NXPE4: variants seen among roughly 807,000 people sequenced by gnomAD.
NXPE4 encodes the protein NXPE family member 4.
A neutral mutation model predicts 33.3 loss-of-function variants in NXPE4; 42 were observed. The observed-to-expected ratio is 1.26, with a 90% CI of 0.98 to 1.63. The LOEUF (loss-of-function observed/expected upper bound fraction) is 1.63. NXPE4 is among the 40% of genes most tolerant of loss of function. NXPE4 has a pLI of 0.00. For synonymous variants in NXPE4, 253 were observed against 234.9 expected (o/e 1.08, Z -0.71); for missense variants, 709 against 647.6 (o/e 1.09, Z -1.03).
chr11:114,595,268 C>T (rs1046792579), intron 1 of NXPE4, among the ~76,000 whole-genome samples: 3 of 152,038 alleles, frequency 2.0e-5, no homozygotes, highest in Non-Finnish European at 4.4e-5. Context: ...TTCTAGCACC[C>T]CCTCAAGCTT....
chr11:114,618,215 G>A, the NXPE4 span, among the ~76,000 whole-genome samples: 1 of 152,076 alleles, frequency 6.6e-6, no homozygotes, highest in East Asian at 1.9e-4. Context: ...GGTCACCACT[G>A]TTACCCGGAG....
chr11:114,659,231 A>T, the NXPE4 span, among the ~76,000 whole-genome samples: 3 of 152,224 alleles, frequency 2.0e-5, no homozygotes, highest in East Asian at 5.8e-4. Context: ...AAAGTATGAG[A>T]TGTACAGAAA....
At chr11:114,600,947 A>G in the NXPE4 span, among the ~76,000 whole-genome samples, 1 of 152,068 alleles carries the variant, frequency 6.6e-6, no homozygotes, top group Admixed American at 6.6e-5. Flanking sequence ...GAAATGATTC[A>G]GTTTCCACAT....
the NXPE4 span, among the ~76,000 whole-genome samples, chr11:114,624,376 T>C: frequency 1.3e-5 from 2 of 150,894 alleles, no homozygotes; most frequent in Admixed American, 6.6e-5. Context: ...AACCACTGTT[T>C]CCCGTTCAAT....
intron 5 of NXPE4, among the ~76,000 whole-genome samples, chr11:114,576,695 T>G (rs929271739): frequency 6.6e-5 from 10 of 151,854 alleles, no homozygotes; most frequent in African/African-American, 2.4e-4. Context: ...TCAATAATGT[T>G]GGTGTGGATG....
the NXPE4 span, among the ~76,000 whole-genome samples, chr11:114,645,324 A>G: frequency 6.6e-6 from 1 of 152,072 alleles, no homozygotes; most frequent in Admixed American, 6.6e-5. Flanking sequence ...TAAAAATAAA[A>G]AAACCCAGTC....
the NXPE4 span, among the ~76,000 whole-genome samples, chr11:114,640,368 GTTTC>G: frequency 6.7e-6 from 1 of 149,270 alleles, no homozygotes; most frequent in African/African-American, 2.5e-5. Flanking sequence ...ATATGCTACT[GTTTC>G]TTTATCCACT....
the NXPE4 span, among the ~76,000 whole-genome samples, chr11:114,642,093 G>A: frequency 1.3e-5 from 2 of 151,940 alleles, no homozygotes; most frequent in Admixed American, 1.3e-4. Flanking sequence ...CTTCCAAAGT[G>A]GAAAAGGCTG....
chr11:114,675,378 C>G, the NXPE4 span, among the ~76,000 whole-genome samples: 2 of 151,582 alleles, frequency 1.3e-5, no homozygotes, highest in African/African-American at 4.8e-5. Context: ...TTCTGTTTGC[C>G]AGTGACAGGA....
chr11:114,617,030 G>T, the NXPE4 span, among the ~76,000 whole-genome samples: 20 of 151,994 alleles, frequency 1.3e-4, no homozygotes, highest in South Asian at 3.7e-3. Flanking sequence ...ATTTCCTCGT[G>T]GGTAACCTCT....
chr11:114,643,472 T>C, the NXPE4 span, among the ~76,000 whole-genome samples: 3 of 152,162 alleles, frequency 2.0e-5, no homozygotes, highest in African/African-American at 7.2e-5. Context: ...GTTTTCTGTA[T>C]ATGGCTAGGC....
At chr11:114,666,196 T>A in the NXPE4 span, among the ~76,000 whole-genome samples, 1 of 152,158 alleles carries the variant, frequency 6.6e-6, no homozygotes, top group Non-Finnish European at 1.5e-5. Context: ...TTTTGCTTTT[T>A]TGAAAGCTAT....
rs1949537912 is a variant in NXPE4 at position 114,594,644 on chromosome 11, A to T, written c.96+20T>A. ...GCAAAAATAAGCTTCTGTAAACCAC[A>T]TAAATAAAGCATTTCCTACCTTTGT... On this transcript the variant is annotated intron_variant, in intron 2 of 5. Transcript: ENST00000375478. 6.6e-7 allele frequency: 1 copy of T among 1,505,996 alleles called. No individual in the cohort carries two copies. The allele number at this position is 1,505,996 out of a possible 1,614,324, so 93.3% of individuals were successfully genotyped here.
intron 5 of NXPE4, among the ~76,000 whole-genome samples, chr11:114,574,558 G>GCT (rs1201829566): frequency 9.2e-5 from 14 of 152,010 alleles, no homozygotes; most frequent in African/African-American, 2.9e-4. Context: ...ATTATTCAAG[G>GCT]CTACTGTGAA....
At chr11:114,663,638 A>ATCTATCATCTATCTATCATCTC in the NXPE4 span, among the ~76,000 whole-genome samples, 1 of 7,772 alleles carries the variant, frequency 1.3e-4, no homozygotes, top group Non-Finnish European at 4.7e-4. Context: ...TCTATCTATC[A>ATCTATCATCTATCTATCATCTC]TCTATCCATC....
the NXPE4 span, among the ~76,000 whole-genome samples, chr11:114,653,862 C>G: frequency 6.6e-6 from 1 of 152,030 alleles, no homozygotes. Context: ...CTCTAGAAAG[C>G]TCAAGATTCC....
At chr11:114,606,847 G>A in the NXPE4 span, among the ~76,000 whole-genome samples, 1 of 151,982 alleles carries the variant, frequency 6.6e-6, no homozygotes, top group Non-Finnish European at 1.5e-5. Flanking sequence ...GTTGCCTCGT[G>A]GGTAATCACT....
chr11:114,643,774 GT>G, the NXPE4 span, among the ~76,000 whole-genome samples: 1,279 of 149,356 alleles, frequency 8.6e-3, 18 homozygotes, highest in African/African-American at 0.029. Context: ...ACTTAAAGTA[GT>G]TTTTTTTTTA....
At chr11:114,626,850 G>A in the NXPE4 span, among the ~76,000 whole-genome samples, 2 of 152,050 alleles carry the variant, frequency 1.3e-5, no homozygotes, top group Admixed American at 1.3e-4. Context: ...GAAAACCAAG[G>A]CTCGAGAACT....
Sources: gnomAD v4.1 joint callset for allele counts (sites outside exome capture counted in the v4.1 genomes callset) on GRCh38, gnomAD v4.1.1 for gene constraint, MANE v1.5 for transcripts, NCBI Gene and HGNC (gene_info 2026-07-23, HGNC 2026-07-21) for gene names.